The following SGCZ variants were observed in gnomAD, a reference collection of about 807,000 sequenced individuals.
SGCZ encodes the protein zeta-sarcoglycan.
In SGCZ, 40 loss-of-function variants were observed where a neutral mutation model predicts 41.3. The observed-to-expected ratio is 0.97, with a 90% CI of 0.75 to 1.26. The LOEUF (loss-of-function observed/expected upper bound fraction) is 1.26. Ranked by LOEUF, SGCZ falls within the 50% of genes most tolerant of loss-of-function variation. SGCZ has a pLI of 0.00. For missense variants in SGCZ, 552 were observed against 369.8 expected (o/e 1.49, Z -4.04); for synonymous variants, 206 against 137.5 (o/e 1.50, Z -3.49).
At chr8:14,831,219 G>T (rs7824647) in intron 1 of SGCZ, among the ~76,000 whole-genome samples, 23,787 of 152,110 alleles carry the variant, frequency 0.16, 3,665 homozygotes, top group African/African-American at 0.4. Context: ...GATTTTCAAA[G>T]TACATGACGG....
intron 3 of SGCZ, among the ~76,000 whole-genome samples, chr8:14,296,953 C>T (rs7814925): frequency 6.6e-6 from 1 of 151,680 alleles, no homozygotes; most frequent in Non-Finnish European, 1.5e-5. Flanking sequence ...CGGATTTTCG[C>T]TCTTGTTGCC....
At chr8:14,893,039 G>C (rs1805071481) in intron 1 of SGCZ, among the ~76,000 whole-genome samples, 1 of 152,186 alleles carries the variant, frequency 6.6e-6, no homozygotes, top group South Asian at 2.1e-4. Flanking sequence ...CTGTGAATGT[G>C]TTGCCTAACT....
intron 1 of SGCZ, among the ~76,000 whole-genome samples, chr8:15,097,890 A>G (rs78304825): frequency 0.19 from 3,022 of 15,978 alleles, 181 homozygotes; most frequent in Middle Eastern, 0.4. Flanking sequence ...ATACGTGTGT[A>G]TATATATATA....
At chr8:14,114,278 T>C (rs1241663220) in intron 5 of SGCZ, among the ~76,000 whole-genome samples, 1 of 152,062 alleles carries the variant, frequency 6.6e-6, no homozygotes, top group Non-Finnish European at 1.5e-5. Flanking sequence ...TAAGTTTCTG[T>C]TTCCTAGTGT....
chr8:14,200,973 A>T (rs1266016982), intron 4 of SGCZ, among the ~76,000 whole-genome samples: 1 of 152,174 alleles, frequency 6.6e-6, no homozygotes, highest in African/African-American at 2.4e-5. Context: ...TAAAATCCAT[A>T]AAACATGCAA....
intron 4 of SGCZ, among the ~76,000 whole-genome samples, chr8:14,222,792 ATTTTTTTTTTTTTTTT>A (rs775444301): frequency 2.5e-4 from 12 of 48,896 alleles, no homozygotes; most frequent in African/African-American, 9.1e-4. Flanking sequence ...AGTCACAGTG[ATTTTTTTTTTTTTTTT>A]TTTTTTTTTT....
At chr8:14,146,890 A>AAAAAAAAT (rs1182329393) in intron 5 of SGCZ, among the ~76,000 whole-genome samples, 3 of 116,182 alleles carry the variant, frequency 2.6e-5, no homozygotes, top group African/African-American at 1.1e-4. Context: ...AAAATAAAAA[A>AAAAAAAAT]AATAATAATA....
chr8:14,107,251 AC>A (rs1374798554), intron 6 of SGCZ, among the ~76,000 whole-genome samples: 93 of 149,860 alleles, frequency 6.2e-4, no homozygotes, highest in Admixed American at 2.1e-3. Flanking sequence ...AAAAAAAAAA[AC>A]ATCCACTGAG....
In SGCZ at chr8:14,344,683, T is replaced by A. The variant is rs1802830622; in HGVS notation, c.235-20479A>T. On this transcript the variant is annotated intron_variant, in intron 2 of 7. Coordinates refer to ENST00000382080, the MANE Select transcript of SGCZ (RefSeq NM_139167.4). ...ATATGTATGCAGAAAATGTAAGTAATGCACAGGATGAATAACTAGAATTAA... is the reference window on the plus strand; with the variant it reads ...ATATGTATGCAGAAAATGTAAGTAAAGCACAGGATGAATAACTAGAATTAA... Among the ~76,000 whole-genome samples the A allele has an allele frequency of 2.0e-5, 3 of 152,102 alleles. 1 individual carries two copies. Among genetic ancestry groups the A allele is most frequent in the Admixed American group, 2.0e-4 (3 of 15,278 alleles).
chr8:14,852,830 A>G (rs891549957), intron 1 of SGCZ, among the ~76,000 whole-genome samples: 1 of 152,140 alleles, frequency 6.6e-6, no homozygotes, highest in South Asian at 2.1e-4. Context: ...CTCTGCATCA[A>G]AGTCTTTCCT....
chr8:14,360,341 T>C (rs1348687367), intron 2 of SGCZ, among the ~76,000 whole-genome samples: 1 of 152,058 alleles, frequency 6.6e-6, no homozygotes, highest in Admixed American at 6.5e-5. Context: ...AATTTTTTTT[T>C]TTTTCTTTTT....
At chr8:14,428,064 G>A (rs1013431865) in intron 2 of SGCZ, among the ~76,000 whole-genome samples, 5 of 150,914 alleles carry the variant, frequency 3.3e-5, no homozygotes, top group African/African-American at 7.3e-5. Context: ...AGGGGTCCTG[G>A]AATCAAACCC....
chr8:14,525,298 T>C (rs1802913530), intron 2 of SGCZ, among the ~76,000 whole-genome samples: 1 of 152,156 alleles, frequency 6.6e-6, no homozygotes, highest in Admixed American at 6.6e-5. Context: ...CTTTGCTCCC[T>C]GCTCTTTGAG....
chr8:14,974,560 G>T (rs1169484482), intron 1 of SGCZ, among the ~76,000 whole-genome samples: 1 of 152,086 alleles, frequency 6.6e-6, no homozygotes, highest in Non-Finnish European at 1.5e-5. Flanking sequence ...CCAAAGCCCA[G>T]ACCACAACCC....
intron 1 of SGCZ, among the ~76,000 whole-genome samples, chr8:14,720,751 G>A (rs1809857612): frequency 6.6e-6 from 1 of 152,136 alleles, no homozygotes; most frequent in Admixed American, 6.6e-5. Context: ...TACCAAGACT[G>A]AAATATTTAC....
At chr8:14,715,842 T>A (rs559796640) in intron 1 of SGCZ, among the ~76,000 whole-genome samples, 1 of 152,064 alleles carries the variant, frequency 6.6e-6, no homozygotes, top group South Asian at 2.1e-4. Flanking sequence ...GCTTACAAAT[T>A]TAAAAACCCC....
Position 14,087,221 on chromosome 8 carries a change from G to T in SGCZ, c.*3222C>A, listed in dbSNP as rs909229164. On this transcript the variant is annotated 3_prime_UTR_variant, in exon 8 of 8. Coordinates refer to ENST00000382080, the MANE Select transcript of SGCZ (RefSeq NM_139167.4). ...CATAAATGTGTGTATGTGTGTGTAT[G>T]ACTAATAAGTAAGTACCGGATAGAA... is the stretch of plus-strand genomic sequence containing the variant. 6.6e-6 allele frequency among the ~76,000 whole-genome samples: 1 copy of T among 151,538 alleles called. No individual in the cohort carries two copies. Among genetic ancestry groups the T allele is most frequent in the Non-Finnish European group, 1.5e-5 (1 of 67,712 alleles).
intron 1 of SGCZ, among the ~76,000 whole-genome samples, chr8:14,659,250 C>T (rs1465927605): frequency 3.3e-5 from 5 of 152,090 alleles, no homozygotes; most frequent in Non-Finnish European, 5.9e-5. Flanking sequence ...AGTGTCATCA[C>T]CGCCAGAGAT....
intron 2 of SGCZ, among the ~76,000 whole-genome samples, chr8:14,383,083 G>A (rs1171073732): frequency 6.6e-6 from 1 of 152,126 alleles, no homozygotes; most frequent in Non-Finnish European, 1.5e-5. Flanking sequence ...CCAATCATAA[G>A]AAGAATGGCA....
Sources: allele counts gnomAD v4.1 joint callset (sites outside exome capture counted in the v4.1 genomes callset), GRCh38; gene constraint gnomAD v4.1.1; transcripts MANE v1.5; gene names NCBI Gene and HGNC (gene_info 2026-07-23, HGNC 2026-07-21).